MRPS14: variants seen among roughly 807,000 people sequenced by gnomAD.
MRPS14 encodes the protein mitochondrial ribosomal protein S14.
MRPS14 carries 14 observed loss-of-function variants against 16.4 expected under a neutral mutation model. The ratio of observed to expected loss-of-function variants is 0.85; its 90% confidence interval spans 0.56 to 1.33. MRPS14 has a LOEUF of 1.33. MRPS14 is among the 40% of genes most tolerant of loss of function. The pLI is 0.00. For missense variants in MRPS14, 162 were observed against 176.8 expected (o/e 0.92, Z 0.48); for synonymous variants, 54 against 61.9 (o/e 0.87, Z 0.60).
chr1:175,014,908 C>T (rs542523627), intron 2 of MRPS14, 57 bp from the exon 3 acceptor site: 2 of 1,472,234 alleles, frequency 1.4e-6, no homozygotes, highest in African/African-American at 1.5e-5. Context: ...ATGTATTTTG[C>T]TCCTTCTCAC....
At chr1:175,018,357 A>C (rs369964470) in intron 2 of MRPS14, 61 bp downstream of exon 2, 3 of 1,443,042 alleles carry the variant, frequency 2.1e-6, no homozygotes, top group African/African-American at 1.4e-5. Flanking sequence ...CAGTATCAAA[A>C]GTGATCTGAT....
intron 1 of MRPS14, 173 bp downstream of exon 1, chr1:175,023,191 G>C: frequency 3.4e-6 from 5 of 1,481,036 alleles, no homozygotes; most frequent in Non-Finnish European, 4.5e-6. Flanking sequence ...AAACCAAATT[G>C]ACATCTGCAG....
chr1:175,017,488 A>G (rs2149414708), intron 2 of MRPS14, among the ~76,000 whole-genome samples: 1 of 152,298 alleles, frequency 6.6e-6, no homozygotes, highest in South Asian at 2.1e-4. Context: ...ATAGTAATAA[A>G]TAGGATGTAT....
rs1046594246 is a variant in MRPS14 at position 175,014,537 on chromosome 1, A to G, written c.*132T>C. ...TCTTCATTTTAAAAGTAGTTTAGAG[A>G]TAGCATCAGGTAGGCCAAACAACTG... is the stretch of plus-strand genomic sequence containing the variant. On this transcript the variant is annotated 3_prime_UTR_variant, in exon 3 of 3. Transcript: ENST00000476371. 6.4e-6 allele frequency: 5 copies of G among 778,226 alleles called. 1 individual carries two copies. The South Asian group carries it at 9.4e-5, about 15-fold the overall frequency. 48.2% of individuals were successfully genotyped at this position (778,226 alleles called of 1,614,324 possible).
In MRPS14 at chr1:175,017,237, T is replaced by C. The variant is rs554586033; in HGVS notation, c.204+1181A>G. Among the ~76,000 whole-genome samples, 12 of 152,218 alleles carry C rather than the reference T, an allele frequency of 7.9e-5. No individual in the cohort carries two copies. The East Asian group carries it at 1.7e-3, about 22-fold the overall frequency. ...ACCCATCTAAGTTTTGTATTTTTAG[T>C]AGAGATGGGGTTTGGCCAGGTTGGT... On this transcript the variant is annotated intron_variant, in intron 2 of 2. Coordinates refer to ENST00000476371, the MANE Select transcript of MRPS14 (RefSeq NM_022100.3).
At chr1:175,022,464 A>G (rs61827377) in intron 1 of MRPS14, 1 of 145,504 alleles carries the variant, frequency 6.9e-6, no homozygotes, top group African/African-American at 2.6e-5. Flanking sequence ...TTTTTTTTAA[A>G]TGTTTTTGGT....
At position 175,014,698 on chromosome 1, in the gene MRPS14, G is replaced by C. The variant is rs1237891412; in HGVS notation, c.358C>G (p.Leu120Val). 2 of 1,612,518 alleles carry C rather than the reference G, an allele frequency of 1.2e-6. No homozygotes were observed. The highest frequency in any genetic ancestry group is 2.7e-5 in the African/African-American group (2 of 74,780). The change falls in exon 3 of 3, where the codon CTT becomes GTT. Residue 120 changes from leucine (L) to valine (V), a missense_variant. Leu to Val is a conservative substitution (Grantham distance 32). Coordinates refer to ENST00000476371, the MANE Select transcript of MRPS14 (RefSeq NM_022100.3). Reference protein sequence around the residue: ...VFRHLADHGQLSGIQRATW With the variant: ...VFRHLADHGQVSGIQRATW The stretch of plus-strand genomic sequence containing the variant: ...CATGTCGCTCGCTGGATCCCAGAAA[G>C]TTGCCCATGGTCAGCTAAGTGACGG...
At chr1:175,019,598 G>T (rs1026518353) in intron 1 of MRPS14, among the ~76,000 whole-genome samples, 1 of 152,112 alleles carries the variant, frequency 6.6e-6, no homozygotes, top group East Asian at 1.9e-4. Flanking sequence ...GCCTGATGAG[G>T]ATAGATTATT....
At chr1:175,015,296 T>C (rs1340545702) in intron 2 of MRPS14, among the ~76,000 whole-genome samples, 1 of 152,162 alleles carries the variant, frequency 6.6e-6, no homozygotes, top group Non-Finnish European at 1.5e-5. Context: ...CATTTATCCA[T>C]CCTACATTTG....
At chr1:175,019,537 C>T (rs1672940982) in intron 1 of MRPS14, among the ~76,000 whole-genome samples, 1 of 152,094 alleles carries the variant, frequency 6.6e-6, no homozygotes, top group African/African-American at 2.4e-5. Context: ...CTCAAGTGAT[C>T]CATCCGTCTT....
intron 1 of MRPS14, among the ~76,000 whole-genome samples, chr1:175,019,582 C>T (rs868642657): frequency 6.6e-6 from 1 of 152,176 alleles, no homozygotes; most frequent in African/African-American, 2.4e-5. Flanking sequence ...AGGCATGAGC[C>T]ACTGTGCCTG....
chr1:175,023,287 G>A, intron 1 of MRPS14, 77 bp downstream of exon 1: 1 of 1,580,500 alleles, frequency 6.3e-7, no homozygotes, highest in Non-Finnish European at 8.6e-7. Context: ...ACTACAGGTG[G>A]CAGAGCCGTG....
rs139999455 is a variant in MRPS14 at position 175,021,942 on chromosome 1, TA to T, written c.45+1421del. ...TCATATGTTCTACATTCCCTCCTGT[TA>T]TCAGAGATCCACTCTGTCCAACAGA... On this transcript the variant is annotated intron_variant, in intron 1 of 2. Transcript: ENST00000476371. 2.2e-3 allele frequency among the ~76,000 whole-genome samples: 341 copies of T among 152,298 alleles called. 3 individuals are homozygous for T. The highest frequency in any genetic ancestry group is 7.7e-3 in the African/African-American group (320 of 41,554).
At chr1:175,015,244 T>C (rs58503437) in intron 2 of MRPS14, among the ~76,000 whole-genome samples, 23,123 of 152,164 alleles carry the variant, frequency 0.15, 5,810 homozygotes, top group African/African-American at 0.53. Context: ...CCACAGCGCC[T>C]GGCCACTGGC....
chr1:175,017,042 TG>T (rs2149414602), intron 2 of MRPS14, among the ~76,000 whole-genome samples: 1 of 149,534 alleles, frequency 6.7e-6, no homozygotes, highest in Admixed American at 6.8e-5. Context: ...CTCAGTTTCT[TG>T]GGGGCCCCCT....
chr1:175,016,366 C>T (rs1209837666), intron 2 of MRPS14, among the ~76,000 whole-genome samples: 2 of 152,116 alleles, frequency 1.3e-5, no homozygotes, highest in Non-Finnish European at 2.9e-5. Context: ...TTGATACATA[C>T]CCCTTCCTTC....
At chr1:175,022,867 C>T (rs1329726711) in intron 1 of MRPS14, among the ~76,000 whole-genome samples, 7 of 151,760 alleles carry the variant, frequency 4.6e-5, no homozygotes. Flanking sequence ...TGATTAAGGT[C>T]CCAACAACCT....
intron 1 of MRPS14, among the ~76,000 whole-genome samples, chr1:175,021,705 T>C (rs910810438): frequency 2.0e-5 from 3 of 152,210 alleles, no homozygotes; most frequent in African/African-American, 7.2e-5. Flanking sequence ...CTCTCACTTC[T>C]CTGTACTTAC....
chr1:175,017,940 A>G (rs1672913223), intron 2 of MRPS14, among the ~76,000 whole-genome samples: 1 of 152,176 alleles, frequency 6.6e-6, no homozygotes, highest in Non-Finnish European at 1.5e-5. Flanking sequence ...CCCAGCCAAC[A>G]TGGTGAAACC....
Sources: allele counts gnomAD v4.1 joint callset (sites outside exome capture counted in the v4.1 genomes callset), GRCh38; gene constraint gnomAD v4.1.1; transcripts MANE v1.5; gene names NCBI Gene and HGNC (gene_info 2026-07-23, HGNC 2026-07-21).